CLDN10: variants seen among roughly 807,000 people sequenced by gnomAD.
CLDN10 encodes claudin 10.
A neutral mutation model predicts 22.9 loss-of-function variants in CLDN10; 15 were observed. That is an observed-to-expected ratio of 0.65 (90% CI 0.44 to 1.01). The LOEUF (loss-of-function observed/expected upper bound fraction) is 1.01. CLDN10 is among the 50% of genes least tolerant of loss of function. CLDN10 has a pLI of 0.00. For synonymous variants in CLDN10, 114 were observed against 111.4 expected, an observed-to-expected ratio of 1.02 and a Z score of -0.15; for missense variants, 247 against 287.8, an observed-to-expected ratio of 0.86 and a Z score of 1.03.
rs191579453 is a variant in CLDN10, at chr13:95,501,212, C to T, written c.215-58920C>T. Among the ~76,000 whole-genome samples the T allele has an allele frequency of 2.1e-3, 317 of 152,204 alleles. 1 individual carries two copies. The highest frequency in any genetic ancestry group is 7.2e-3 in the African/African-American group (301 of 41,536). On this transcript the variant is annotated intron_variant, in intron 1 of 4. Transcript: ENST00000376873. ...TATTTTTAGTAGAGACAGGGATTCACCATGTGGATCAGGCTGTTCTTGAAC... is the reference window on the plus strand; with the variant it reads ...TATTTTTAGTAGAGACAGGGATTCATCATGTGGATCAGGCTGTTCTTGAAC...
intron 1 of CLDN10, among the ~76,000 whole-genome samples, chr13:95,517,532 C>A (rs7336459): frequency 0.86 from 131,502 of 152,250 alleles, 56,981 homozygotes; most frequent in East Asian, 0.96. Flanking sequence ...GATACACTTC[C>A]TATTCTTCAG....
chr13:95,467,720 A>C (rs1258342930), intron 1 of CLDN10, among the ~76,000 whole-genome samples: 1 of 152,208 alleles, frequency 6.6e-6, no homozygotes, highest in Non-Finnish European at 1.5e-5. Context: ...ATAATTATGG[A>C]GGCAAACAGG....
At chr13:95,556,782 TC>T (rs1368907420) in intron 1 of CLDN10, among the ~76,000 whole-genome samples, 9 of 152,186 alleles carry the variant, frequency 5.9e-5, no homozygotes, top group Non-Finnish European at 1.0e-4. Flanking sequence ...CATTCTTTTT[TC>T]CCCCCTAAAT....
At chr13:95,549,088 A>G (rs2043538526), upstream of CLDN10, among the ~76,000 whole-genome samples, 1 of 152,258 alleles carries the variant, frequency 6.6e-6, no homozygotes. Flanking sequence ...CCTCAAAAGT[A>G]GAAAGGCTCA....
chr13:95,537,815 ACACT>A (rs1350037292), intron 1 of CLDN10, among the ~76,000 whole-genome samples: 1 of 152,162 alleles, frequency 6.6e-6, no homozygotes, highest in Non-Finnish European at 1.5e-5. Flanking sequence ...CGAGTAACAA[ACACT>A]CACCGGGGTA....
At chr13:95,551,571 A>G (rs2043567462), upstream of CLDN10, among the ~76,000 whole-genome samples, 1 of 152,188 alleles carries the variant, frequency 6.6e-6, no homozygotes, top group Non-Finnish European at 1.5e-5. Context: ...CTTCACATTG[A>G]ACCAGAGTGT....
At chr13:95,514,229 A>G (rs1269770072) in intron 1 of CLDN10, among the ~76,000 whole-genome samples, 2 of 152,206 alleles carry the variant, frequency 1.3e-5, no homozygotes, top group Non-Finnish European at 2.9e-5. Context: ...ACTGCACTCC[A>G]GCCTGGGTGA....
chr13:95,486,803 G>A (rs948211263), intron 1 of CLDN10, among the ~76,000 whole-genome samples: 5 of 152,280 alleles, frequency 3.3e-5, no homozygotes, highest in East Asian at 3.9e-4. Flanking sequence ...ACCTGGCCAC[G>A]TTGTGAGCTC....
intron 1 of CLDN10, among the ~76,000 whole-genome samples, chr13:95,491,516 A>G (rs918393188): frequency 1.3e-5 from 2 of 152,104 alleles, no homozygotes; most frequent in East Asian, 1.9e-4. Context: ...GAATTTTTAA[A>G]TTATTTTTTT....
chr13:95,449,098 G>C (rs560087603), intron 1 of CLDN10, among the ~76,000 whole-genome samples: 37 of 152,008 alleles, frequency 2.4e-4, no homozygotes, highest in African/African-American at 7.2e-4. Context: ...TTGGAGTCTG[G>C]CAAATTGTAA....
In CLDN10 at chr13:95,527,774, T is replaced by G. The variant is rs71433088; in HGVS notation, c.215-32358T>G. ...ACAAAAATAAATAAATAAACAAAAT[T>G]AAAAAACTCTGTGGCGAGTGTATAT... On this transcript the variant is annotated intron_variant, in intron 1 of 4. Coordinates refer to the CLDN10 transcript ENST00000376873. 3.3e-5 allele frequency among the ~76,000 whole-genome samples: 5 copies of G among 152,032 alleles called. No homozygotes were observed. The East Asian group carries it at 7.7e-4, about 24-fold the overall frequency.
chr13:95,461,928 C>T (rs2139090122), intron 1 of CLDN10, among the ~76,000 whole-genome samples: 1 of 151,430 alleles, frequency 6.6e-6, no homozygotes, highest in South Asian at 2.1e-4. Context: ...CCCATGTCTA[C>T]AAAAAGTAAA....
At chr13:95,535,758 G>A (rs2043394072) in intron 1 of CLDN10, among the ~76,000 whole-genome samples, 1 of 152,134 alleles carries the variant, frequency 6.6e-6, no homozygotes, top group Non-Finnish European at 1.5e-5. Flanking sequence ...AAAGGGGTAA[G>A]TGCCAAGTAC....
chr13:95,577,581 T>C (rs2043953821), intron 4 of CLDN10, among the ~76,000 whole-genome samples: 1 of 152,220 alleles, frequency 6.6e-6, no homozygotes, highest in Admixed American at 6.5e-5. Context: ...CTCATCATAA[T>C]TTTCCTCTAG....
intron 1 of CLDN10, among the ~76,000 whole-genome samples, chr13:95,439,958 G>T (rs946666076): frequency 1.4e-4 from 21 of 150,806 alleles, no homozygotes; most frequent in Non-Finnish European, 1.2e-4. Context: ...CTGTTGCCCA[G>T]GCTGGAGTGC....
At chr13:95,452,974 C>T (rs950823093) in intron 1 of CLDN10, among the ~76,000 whole-genome samples, 31 of 152,188 alleles carry the variant, frequency 2.0e-4, no homozygotes, top group Non-Finnish European at 3.8e-4. Flanking sequence ...TCTTAAAATA[C>T]TTGTAATTAC....
chr13:95,472,793 C>T (rs1240458409), intron 1 of CLDN10, among the ~76,000 whole-genome samples: 4 of 152,002 alleles, frequency 2.6e-5, no homozygotes, highest in Non-Finnish European at 5.9e-5. Context: ...ATGAGAAACC[C>T]GGTTCTATGA....
At chr13:95,461,152 A>G (rs1018908785) in intron 1 of CLDN10, among the ~76,000 whole-genome samples, 1 of 151,702 alleles carries the variant, frequency 6.6e-6, no homozygotes, top group Non-Finnish European at 1.5e-5. Context: ...CAGTCTCCCT[A>G]TGTTGCCCAG....
Position 95,560,255 on chromosome 13 carries a change from A to C in CLDN10, c.344A>C (p.Lys115Thr). 1 of 1,614,194 alleles carries C rather than the reference A, an allele frequency of 6.2e-7. No homozygotes were observed. ...GGAGGCTCCGATAAAGCCAAAGCTA[A>C]AATTGCTTGTTTGGCTGGGATTGTA... ...KVGGSDKAKAKIACLAGIVFI... is the reference protein window; with the variant it reads ...KVGGSDKAKATIACLAGIVFI... Residue 115 changes from lysine to threonine, a missense_variant, in exon 2 of 5, where the codon AAA becomes ACA. Coordinates refer to ENST00000299339, the MANE Select transcript of CLDN10 (RefSeq NM_006984.5).
Sources: gnomAD v4.1 joint callset for allele counts (sites outside exome capture counted in the v4.1 genomes callset) on GRCh38, gnomAD v4.1.1 for gene constraint, MANE v1.5 for transcripts, NCBI Gene and HGNC (gene_info 2026-07-23, HGNC 2026-07-21) for gene names.